EPHA4: variants seen among roughly 807,000 people sequenced by gnomAD.
EPHA4 encodes the protein ephrin type-A receptor 4.
EPHA4 carries 19 observed loss-of-function variants against 108.3 expected under a neutral mutation model. The observed-to-expected ratio is 0.18, with a 90% CI of 0.12 to 0.26. EPHA4 has a LOEUF of 0.26. EPHA4 is among the 10% of genes least tolerant of loss of function. EPHA4 has a pLI of 1.00. For synonymous variants in EPHA4, 449 were observed against 455.5 expected (o/e 0.99, Z 0.18); for missense variants, 917 against 1,254.0 (o/e 0.73, Z 4.06).
At position 221,482,380 on chromosome 2, in the gene EPHA4, A is replaced by G; in HGVS notation, c.1290T>C (p.Val430=). The G allele has an allele frequency of 6.2e-7, 1 of 1,609,952 alleles. No individual in the cohort carries two copies. Among genetic ancestry groups the G allele is most frequent in the Non-Finnish European group, 8.5e-7 (1 of 1,176,904 alleles). The change falls in exon 5 of 18, where the codon GTT becomes GTC. Residue 430 remains valine (V), a synonymous_variant. Coordinates refer to ENST00000281821, the MANE Select transcript of EPHA4 (RefSeq NM_004438.5). ...SKYNPNPDQS[V]SVTVTTNQAA... The stretch of plus-strand genomic sequence containing the variant: ...CTTGGTTGGTGGTCACAGTGACAGA[A>G]ACTGATTGGTCTGGGTTAGGGTTAT...
intron 2 of EPHA4, among the ~76,000 whole-genome samples, chr2:221,568,420 G>A (rs1409772041): frequency 6.6e-6 from 1 of 152,056 alleles, no homozygotes; most frequent in Non-Finnish European, 1.5e-5. Context: ...TTCTAATTTG[G>A]TCCCCGGATC....
intron 3 of EPHA4, among the ~76,000 whole-genome samples, chr2:221,555,111 G>A (rs184437618): frequency 6.6e-6 from 1 of 152,142 alleles, no homozygotes; most frequent in African/African-American, 2.4e-5. Flanking sequence ...GAGCAGCAGG[G>A]ACTTGGGTTA....
At chr2:221,486,961 T>C (rs980234546) in intron 4 of EPHA4, among the ~76,000 whole-genome samples, 1 of 152,088 alleles carries the variant, frequency 6.6e-6, no homozygotes, top group Non-Finnish European at 1.5e-5. Flanking sequence ...ACTAGTCAAC[T>C]TTTCACATAC....
chr2:221,539,667 C>A (rs1286404607), intron 3 of EPHA4, among the ~76,000 whole-genome samples: 1 of 152,084 alleles, frequency 6.6e-6, no homozygotes, highest in Non-Finnish European at 1.5e-5. Flanking sequence ...TGACACAGGG[C>A]CCCAGTAACG....
intron 5 of EPHA4, among the ~76,000 whole-genome samples, chr2:221,478,185 T>G (rs2106137314): frequency 6.6e-6 from 1 of 152,036 alleles, no homozygotes; most frequent in African/African-American, 2.4e-5. Context: ...TCAGAGATAT[T>G]AAGCTACTGC....
At chr2:221,457,157 T>C (rs1690983322) in intron 6 of EPHA4, among the ~76,000 whole-genome samples, 1 of 152,320 alleles carries the variant, frequency 6.6e-6, no homozygotes, top group African/African-American at 2.4e-5. Flanking sequence ...AAATGTGTTG[T>C]AACATGGTTT....
Position 221,443,530 on chromosome 2 carries a change from G to A in EPHA4, c.1851C>T (p.Asp617=), listed in dbSNP as rs753260760. Residue 617 remains aspartate, a synonymous_variant, in exon 10 of 18, where the codon GAC becomes GAT. Coordinates refer to ENST00000281821, the MANE Select transcript of EPHA4 (RefSeq NM_004438.5). ...CTTTTTCAATCTTAATGCAGGATGCGTCAATTTCTTTGGCAAACTCTCGCA... is the reference window on the plus strand; with the variant it reads ...CTTTTTCAATCTTAATGCAGGATGCATCAATTTCTTTGGCAAACTCTCGCA... The part of the protein sequence containing the change: ...QAVREFAKEI[D]ASCIKIEKVI... 6.4e-5 allele frequency: 104 copies of A among 1,613,622 alleles called. No individual in the cohort carries two copies. Among genetic ancestry groups the A allele is most frequent in the African/African-American group, 1.5e-4 (11 of 74,814 alleles).
intron 6 of EPHA4, among the ~76,000 whole-genome samples, chr2:221,457,084 A>G (rs1690981030): frequency 1.3e-5 from 2 of 152,174 alleles, no homozygotes; most frequent in African/African-American, 4.8e-5. Context: ...ACACCCAGCA[A>G]TTTAAAAGAA....
Position 221,429,989 on chromosome 2 carries a change from T to C in EPHA4, c.2659A>G (p.Ser887Gly). The change falls in exon 15 of 18, where the codon AGC becomes GGC. Residue 887 changes from serine to glycine, a missense_variant. Ser to Gly is a moderately conservative substitution (Grantham distance 56). This residue lies in a region of EPHA4 where 133 missense variants were observed against 132.8 expected (regional missense o/e 1.00). Coordinates refer to ENST00000281821, the MANE Select transcript of EPHA4 (RefSeq NM_004438.5). ...MLDKLIRNPNSLKRTGTESSR... is the reference protein window; with the variant it reads ...MLDKLIRNPNGLKRTGTESSR... ...CTCTCCGTCCCTGTCCTCTTCAAGC[T>C]GTTGGGGTTGCGGATGAGTTTGTCC... The C allele has an allele frequency of 6.2e-7, 1 of 1,613,958 alleles. No homozygotes were observed. Among genetic ancestry groups the C allele is most frequent in the Non-Finnish European group, 8.5e-7 (1 of 1,179,956 alleles).
intron 5 of EPHA4, among the ~76,000 whole-genome samples, chr2:221,468,029 A>G (rs1308710873): frequency 1.3e-5 from 2 of 152,160 alleles, no homozygotes; most frequent in Non-Finnish European, 2.9e-5. Flanking sequence ...CAAAAAATAA[A>G]TATACATTTT....
At position 221,564,043 on chromosome 2, in the gene EPHA4, G is replaced by T; in HGVS notation, c.511C>A (p.Arg171=). Residue 171 remains arginine (R), a synonymous_variant, in exon 3 of 18, where the codon CGG becomes AGG. Transcript: ENST00000281821. ...TTTTTGCTTAATGGCCCTACATCCC[G>T]GATCTCGGTGTTCAGCTTCATGATT... The part of the protein sequence containing the change: ...DRIMKLNTEI[R]DVGPLSKKGF... The T allele has an allele frequency of 2.5e-6, 4 of 1,614,002 alleles. No homozygotes were observed. The highest frequency in any genetic ancestry group is 3.4e-6 in the Non-Finnish European group (4 of 1,180,002).
chr2:221,499,725 TATATATATATATATATATATATATATA>T (rs1692414746), intron 4 of EPHA4, among the ~76,000 whole-genome samples: 1 of 48,166 alleles, frequency 2.1e-5, no homozygotes, highest in Admixed American at 2.9e-4. Flanking sequence ...AATATATATA[TATATATATATATATATATATATATATA>T]TATATTTTTT....
At chr2:221,542,945 A>C (rs530821046) in intron 3 of EPHA4, among the ~76,000 whole-genome samples, 1 of 152,188 alleles carries the variant, frequency 6.6e-6, no homozygotes, top group Non-Finnish European at 1.5e-5. Context: ...AATGAGTAAA[A>C]CTACCTCCAC....
intron 3 of EPHA4, among the ~76,000 whole-genome samples, chr2:221,534,148 G>C (rs757692870): frequency 2.4e-4 from 36 of 152,158 alleles, no homozygotes; most frequent in Non-Finnish European, 2.2e-4. Context: ...ATTTTTAACT[G>C]ATGTCTTTAT....
At chr2:221,510,453 GTTCCATCTCCTCCCA>G (rs1407570769) in intron 3 of EPHA4, among the ~76,000 whole-genome samples, 1 of 151,846 alleles carries the variant, frequency 6.6e-6, no homozygotes, top group Non-Finnish European at 1.5e-5. Flanking sequence ...TATTTTCTAC[GTTCCATCTCCTCCCA>G]TTTTTCCCCT....
chr2:221,463,386 G>T (rs1691209321), intron 5 of EPHA4, among the ~76,000 whole-genome samples: 1 of 152,200 alleles, frequency 6.6e-6, no homozygotes, highest in South Asian at 2.1e-4. Context: ...GAGAAACTGA[G>T]AATGCTTTCG....
At position 221,568,790 on chromosome 2, in the gene EPHA4, A is replaced by C; in HGVS notation, c.92-5T>G. 2 of 1,611,330 alleles carry C rather than the reference A, an allele frequency of 1.2e-6. No homozygotes were observed. The highest frequency in any genetic ancestry group is 1.7e-6 in the Non-Finnish European group (2 of 1,179,022). On this transcript the variant is annotated splice_polypyrimidine_tract_variant and splice_region_variant and intron_variant, in intron 1 of 17. Coordinates refer to ENST00000281821, the MANE Select transcript of EPHA4 (RefSeq NM_004438.5). Reference sequence around the variant, plus strand: ...ATCTGGAATCCAATAAGGTAACTGCAAAAAACAAAAGAAAAATAGATGAAT... The same window carrying C: ...ATCTGGAATCCAATAAGGTAACTGCCAAAAACAAAAGAAAAATAGATGAAT...
In EPHA4 at chr2:221,440,085, A is replaced by G. The variant is rs967047984; in HGVS notation, c.2074+2744T>C. Among the ~76,000 whole-genome samples the G allele has an allele frequency of 2.0e-4, 31 of 152,222 alleles. 3 individuals are homozygous for G. The highest frequency in any genetic ancestry group is 2.0e-3 in the Admixed American group (30 of 15,290). ...TGTCTCCATAAGCAAAGGGGCTTATAAAATAGGCCTGGGCTGGGCTCTTGG... is the reference window on the plus strand; with the variant it reads ...TGTCTCCATAAGCAAAGGGGCTTATGAAATAGGCCTGGGCTGGGCTCTTGG... On this transcript the variant is annotated intron_variant, in intron 11 of 17. Transcript: ENST00000281821.
At chr2:221,475,992 A>T (rs1043804819) in intron 5 of EPHA4, among the ~76,000 whole-genome samples, 2 of 152,124 alleles carry the variant, frequency 1.3e-5, no homozygotes, top group Non-Finnish European at 1.5e-5. Flanking sequence ...GCTGAAGCAG[A>T]TGGATGCACT....
Sources: allele counts gnomAD v4.1 joint callset (sites outside exome capture counted in the v4.1 genomes callset), GRCh38; gene constraint gnomAD v4.1.1; regional missense constraint gnomAD v4.1.1; transcripts MANE v1.5; gene names NCBI Gene and HGNC (gene_info 2026-07-23, HGNC 2026-07-21).